The following KIAA1328 variants were observed in gnomAD, a reference collection of about 807,000 sequenced individuals.
KIAA1328 encodes KIAA1328.
KIAA1328 carries 52 observed loss-of-function variants against 68.1 expected under a neutral mutation model. The observed-to-expected ratio is 0.76, with a 90% CI of 0.61 to 0.96. The LOEUF is 0.96. Among genes scored for constraint, KIAA1328 ranks in the 40% least tolerant of loss-of-function variants. The pLI is 0.00. For synonymous variants in KIAA1328, 232 were observed against 239.4 expected, an observed-to-expected ratio of 0.97 and a Z score of 0.28; for missense variants, 641 against 677.6, an observed-to-expected ratio of 0.95 and a Z score of 0.60.
rs572110988 is a variant in KIAA1328 at position 37,091,326 on chromosome 18, G to C, written c.1232+23781G>C. Among the ~76,000 whole-genome samples, 3 of 152,246 alleles carry C rather than the reference G, an allele frequency of 2.0e-5. No individual in the cohort carries two copies. The East Asian group carries it at 5.8e-4, about 30-fold the overall frequency. ...GAAGCAAAGCAACCAGTCTGGCCAG[G>C]ATCAGCTCACACCAGGAAGAACTCC... On this transcript the variant is annotated intron_variant, in intron 7 of 9. Coordinates refer to ENST00000280020, the MANE Select transcript of KIAA1328 (RefSeq NM_020776.3).
At chr18:37,052,950 A>G (rs183853628) in intron 6 of KIAA1328, among the ~76,000 whole-genome samples, 1 of 152,312 alleles carries the variant, frequency 6.6e-6, no homozygotes, top group African/African-American at 2.4e-5. Context: ...TGCAAACCCT[A>G]TCAAGTTACC....
At chr18:37,211,345 A>G (rs2060312303) in intron 9 of KIAA1328, among the ~76,000 whole-genome samples, 1 of 152,186 alleles carries the variant, frequency 6.6e-6, no homozygotes, top group Admixed American at 6.5e-5. Context: ...TAAGAAAATT[A>G]TTCCAAATTA....
At chr18:37,052,824 A>G (rs911469875) in intron 6 of KIAA1328, among the ~76,000 whole-genome samples, 3 of 152,172 alleles carry the variant, frequency 2.0e-5, no homozygotes, top group Non-Finnish European at 4.4e-5. Context: ...CTAAAAAACA[A>G]TGCTGAAATG....
At chr18:36,955,157 T>C (rs1301602428) in intron 5 of KIAA1328, among the ~76,000 whole-genome samples, 1 of 148,902 alleles carries the variant, frequency 6.7e-6, no homozygotes, top group East Asian at 2.0e-4. Context: ...TTTTTTGAGA[T>C]GGAGTTTCTC....
intron 6 of KIAA1328, among the ~76,000 whole-genome samples, chr18:37,031,200 A>G (rs748354836): frequency 6.6e-6 from 1 of 152,048 alleles, no homozygotes; most frequent in Non-Finnish European, 1.5e-5. Flanking sequence ...ATATACCTTT[A>G]TAGTGTTGTT....
At position 37,111,363 on chromosome 18, in the gene KIAA1328, T is replaced by C. The variant is rs184714302; in HGVS notation, c.1232+43818T>C. Among the ~76,000 whole-genome samples the C allele has an allele frequency of 2.6e-5, 4 of 152,304 alleles. No individual in the cohort carries two copies. The East Asian group carries it at 7.7e-4, about 29-fold the overall frequency. ...TGATTACCTAGGATTTTATGGACTT[T>C]AATCACATCTACAGAATACCTTCAC... is the stretch of plus-strand genomic sequence containing the variant. On this transcript the variant is annotated intron_variant, in intron 7 of 9. Transcript: ENST00000280020.
intron 7 of KIAA1328, among the ~76,000 whole-genome samples, chr18:37,132,806 C>T (rs1392729247): frequency 6.6e-6 from 1 of 152,114 alleles, no homozygotes; most frequent in Non-Finnish European, 1.5e-5. Flanking sequence ...CTCATAGCAA[C>T]TTTATTTGCA....
rs1275350223 is a variant in KIAA1328 at position 37,222,201 on chromosome 18, A to G, written c.1708A>G (p.Ile570Val). The change falls in exon 10 of 10, where the codon ATT (isoleucine) becomes GTT (valine). Residue 570 changes from isoleucine to valine, a missense_variant. By Grantham distance (29) the Ile-to-Val change is conservative. Transcript: ENST00000280020. ...CCCTGAAGAGTTGGAGGAGAATCAG[A>G]TTCTGGAAGATATATTTTTCATTTG... Reference protein sequence around the residue: ...RTPEELEENQILEDIFFI With the variant: ...RTPEELEENQVLEDIFFI 6.3e-7 allele frequency: 1 copy of G among 1,575,438 alleles called. No homozygotes were observed. The highest frequency in any genetic ancestry group is 1.4e-5 in the African/African-American group (1 of 73,942).
rs1400016865 is a variant in KIAA1328 at position 36,959,410 on chromosome 18, G to A, written c.551G>A (p.Gly184Asp). 7 of 1,609,474 alleles carry A rather than the reference G, an allele frequency of 4.3e-6. No individual in the cohort carries two copies. The East Asian group carries it at 1.3e-4, about 31-fold the overall frequency. Residue 184 changes from glycine to aspartate, a missense_variant, in exon 6 of 10, where the codon GGT (glycine) becomes GAT (aspartate). Coordinates refer to ENST00000280020, the MANE Select transcript of KIAA1328 (RefSeq NM_020776.3). ...CTCACCATGTCTCTCTCAGAACTTGGTGCTGCTAGAATGCAGGAACAGCAG... is the reference window on the plus strand; with the variant it reads ...CTCACCATGTCTCTCTCAGAACTTGATGCTGCTAGAATGCAGGAACAGCAG... ...EKLTMSLSEL[G>D]AARMQEQQVS...
chr18:37,022,606 A>C (rs990586289), intron 6 of KIAA1328, among the ~76,000 whole-genome samples: 5 of 152,200 alleles, frequency 3.3e-5, no homozygotes, highest in Admixed American at 1.3e-4. Context: ...TATATCTTCC[A>C]ATAAAAAACT....
At chr18:36,868,428 C>G (rs145224143) in intron 4 of KIAA1328, among the ~76,000 whole-genome samples, 377 of 152,174 alleles carry the variant, frequency 2.5e-3, no homozygotes, top group African/African-American at 8.2e-3. Flanking sequence ...CTGGGGAAAG[C>G]AGTGTCATTT....
intron 5 of KIAA1328, among the ~76,000 whole-genome samples, chr18:36,956,463 G>A (rs1264849567): frequency 1.3e-5 from 2 of 150,720 alleles, no homozygotes; most frequent in Non-Finnish European, 2.9e-5. Flanking sequence ...TGAGAAGGAC[G>A]TTTTGTCCGC....
intron 6 of KIAA1328, among the ~76,000 whole-genome samples, chr18:36,982,102 A>G (rs1294075835): frequency 2.1e-5 from 3 of 143,984 alleles, no homozygotes; most frequent in Non-Finnish European, 3.0e-5. Flanking sequence ...TATTATATAT[A>G]ATATAATTAT....
intron 5 of KIAA1328, among the ~76,000 whole-genome samples, chr18:36,931,121 C>T (rs183706674): frequency 2.0e-5 from 3 of 152,088 alleles, no homozygotes; most frequent in African/African-American, 7.2e-5. Flanking sequence ...AGCATCAATC[C>T]AATGAAAAGC....
chr18:37,223,067 A>G lies in KIAA1328; in HGVS notation c.*840A>G, dbSNP rs1180666915. 4.6e-6 allele frequency: 1 copy of G among 219,176 alleles called. No homozygotes were observed. Among genetic ancestry groups the G allele is most frequent in the Non-Finnish European group, 5.1e-6 (1 of 196,932 alleles). The allele number at this position is 219,176 out of a possible 1,614,324, so 13.6% of individuals were successfully genotyped here. A position where few individuals can be genotyped will look rare whatever the true frequency, so the allele number is the denominator to read the frequency against. On this transcript the variant is annotated 3_prime_UTR_variant, in exon 10 of 10. Transcript: ENST00000280020. ...TATTCACCCCACCCCCCCACCCCCC[A>G]TCACACGTGCTCCTGTGAACTTTCC...
chr18:37,099,755 A>G lies in KIAA1328; in HGVS notation c.1232+32210A>G, dbSNP rs546635025. Reference sequence around the variant, plus strand: ...AAGGACTTGCTTTACGAATCTGGGTACTCCTGTATTGGGTGCATATATATT... The same window carrying G: ...AAGGACTTGCTTTACGAATCTGGGTGCTCCTGTATTGGGTGCATATATATT... On this transcript the variant is annotated intron_variant, in intron 7 of 9. Transcript: ENST00000280020. Among the ~76,000 whole-genome samples the G allele has an allele frequency of 1.7e-4, 26 of 151,406 alleles. No individual in the cohort carries two copies. In the South Asian group the frequency reaches 2.3e-3, roughly 13 times the overall value.
intron 4 of KIAA1328, among the ~76,000 whole-genome samples, chr18:36,871,335 A>G (rs1291367150): frequency 1.3e-5 from 2 of 152,206 alleles, no homozygotes; most frequent in Non-Finnish European, 2.9e-5. Flanking sequence ...TTTTGGCAAG[A>G]AAACAACAGA....
At chr18:37,182,695 T>C (rs1231982078) in intron 9 of KIAA1328, among the ~76,000 whole-genome samples, 1 of 152,120 alleles carries the variant, frequency 6.6e-6, no homozygotes, top group African/African-American at 2.4e-5. Context: ...AGGTGGGCAG[T>C]TTGATTATAT....
At chr18:36,904,241 T>C (rs1258191007) in intron 5 of KIAA1328, among the ~76,000 whole-genome samples, 1 of 152,126 alleles carries the variant, frequency 6.6e-6, no homozygotes, top group Non-Finnish European at 1.5e-5. Flanking sequence ...TGGATTATCC[T>C]GAAATTGTCA....
Sources: allele counts gnomAD v4.1 joint callset (sites outside exome capture counted in the v4.1 genomes callset), GRCh38; gene constraint gnomAD v4.1.1; transcripts MANE v1.5; gene names NCBI Gene and HGNC (gene_info 2026-07-23, HGNC 2026-07-21).